The following SORCS2 variants were observed in gnomAD, a reference collection of about 807,000 sequenced individuals.
The protein encoded by SORCS2 is sortilin related VPS10 domain containing receptor 2, also known as VPS10 domain-containing receptor SorCS2.
A neutral mutation model predicts 141.6 loss-of-function variants in SORCS2; 100 were observed. The observed-to-expected ratio is 0.71, with a 90% confidence interval of 0.60 to 0.83. The LOEUF (loss-of-function observed/expected upper bound fraction) is 0.83. SORCS2 is among the 40% of genes least tolerant of loss of function. SORCS2 has a pLI of 0.00. For missense variants in SORCS2, 1,646 were observed against 1,560.2 expected, an observed-to-expected ratio of 1.05 and a Z score of -0.93; for synonymous variants, 789 against 676.9, an observed-to-expected ratio of 1.17 and a Z score of -2.57.
chr4:7,661,693 G>A lies in SORCS2; in HGVS notation c.952+129G>A, dbSNP rs75431856. On this transcript the variant is annotated intron_variant, in intron 6 of 26. Coordinates refer to ENST00000507866, the MANE Select transcript of SORCS2 (RefSeq NM_020777.3). ...TACACAGCCGGCCTCACTGTGTCTC[G>A]ATGTGGCATGATTTTAAATGTGCTT... 5.7e-3 allele frequency: 4,652 copies of A among 813,282 alleles called. 31 individuals carry two copies. Among genetic ancestry groups the A allele is most frequent in the Non-Finnish European group, 8.1e-3 (4,054 of 500,820 alleles). The allele number at this position is 813,282 out of a possible 1,614,324, so 50.4% of individuals were successfully genotyped here. A position where few individuals can be genotyped will look rare whatever the true frequency, so the allele number is the denominator to read the frequency against.
At chr4:7,594,029 C>T (rs980739831) in intron 3 of SORCS2, among the ~76,000 whole-genome samples, 10 of 152,214 alleles carry the variant, frequency 6.6e-5, no homozygotes, top group African/African-American at 1.2e-4. Context: ...CTCTTGAGCA[C>T]GTCTGTCTGC....
At chr4:7,613,743 G>A (rs1718573474) in intron 3 of SORCS2, among the ~76,000 whole-genome samples, 1 of 152,082 alleles carries the variant, frequency 6.6e-6, no homozygotes, top group Non-Finnish European at 1.5e-5. Context: ...GCCAGCCTAA[G>A]CCCTACCATC....
chr4:7,387,535 GCA>G lies in SORCS2; in HGVS notation c.481-8746_481-8745del, dbSNP rs1259036945. ...TACACAGAGATACATATGCACACAT[GCA>G]CACACATGCACATACACATATGTAC... On this transcript the variant is annotated intron_variant, in intron 1 of 26. Transcript: ENST00000507866. 1.5e-3 allele frequency among the ~76,000 whole-genome samples: 67 copies of G among 45,304 alleles called. 1 individual carries two copies. The South Asian group carries it at 0.034, about 23-fold the overall frequency. The allele number at this position is 45,304 out of a possible 152,430, so 29.7% of individuals were successfully genotyped here.
intron 26 of SORCS2, 31 bp downstream of exon 26, chr4:7,737,203 C>G (rs760314398): frequency 1.9e-6 from 3 of 1,550,176 alleles, no homozygotes; most frequent in South Asian, 2.4e-5. Flanking sequence ...GATCTCGACT[C>G]GCAGACTCTA....
intron 1 of SORCS2, among the ~76,000 whole-genome samples, chr4:7,349,348 C>G (rs541660115): frequency 1.3e-3 from 201 of 152,254 alleles, no homozygotes; most frequent in African/African-American, 4.5e-3. Flanking sequence ...TTGTAAATAT[C>G]TTGCTGAGTC....
intron 1 of SORCS2, among the ~76,000 whole-genome samples, chr4:7,388,277 C>G (rs965430755): frequency 1.3e-5 from 2 of 152,196 alleles, no homozygotes; most frequent in African/African-American, 4.8e-5. Context: ...ACCCCAATGA[C>G]AGACTCAGCC....
At chr4:7,432,279 A>T (rs1193168261) in intron 2 of SORCS2, 1 of 152,090 alleles carries the variant, frequency 6.6e-6, no homozygotes, top group African/African-American at 2.4e-5. Context: ...CTTGTGGTTT[A>T]TACAGCGCTT....
chr4:7,215,248 G>A (rs1312063157), intron 1 of SORCS2, among the ~76,000 whole-genome samples: 4 of 152,194 alleles, frequency 2.6e-5, no homozygotes, highest in Non-Finnish European at 5.9e-5. Flanking sequence ...TGCTGGCCCC[G>A]GGCAAGGAGG....
chr4:7,717,924 G>T, intron 17 of SORCS2, 88 bp from the exon 18 acceptor site: 1 of 1,399,204 alleles, frequency 7.1e-7, no homozygotes, highest in Non-Finnish European at 9.4e-7. Context: ...GCCACCTCTG[G>T]GTGGCAAGCA....
At chr4:7,728,564 C>A in intron 22 of SORCS2, 102 bp downstream of exon 22, 2 of 762,322 alleles carry the variant, frequency 2.6e-6, no homozygotes, top group South Asian at 1.9e-5. Context: ...AGGCGGGTGG[C>A]ACTGCCCCCG....
At chr4:7,456,260 G>A (rs929800199) in intron 2 of SORCS2, among the ~76,000 whole-genome samples, 7 of 152,204 alleles carry the variant, frequency 4.6e-5, no homozygotes, top group Non-Finnish European at 8.8e-5. Flanking sequence ...ATTTCAGGTG[G>A]ACACAATTCT....
Position 7,654,126 on chromosome 4 carries a change from C to A in SORCS2, c.814-8C>A. The A allele has an allele frequency of 6.4e-7, 1 of 1,568,200 alleles. No individual in the cohort carries two copies. The highest frequency in any genetic ancestry group is 1.3e-5 in the African/African-American group (1 of 74,420). On this transcript the variant is annotated splice_region_variant and splice_polypyrimidine_tract_variant and intron_variant, in intron 4 of 26. Transcript: ENST00000507866. ...ACCAAGCTTTTGTTTCTTTTTTCTG[C>A]CCTAAAGCTCTACGTGTCATCTGAC...
chr4:7,458,101 C>T (rs1729039517), intron 2 of SORCS2, among the ~76,000 whole-genome samples: 1 of 152,192 alleles, frequency 6.6e-6, no homozygotes, highest in Admixed American at 6.5e-5. Flanking sequence ...TGACACAGTA[C>T]TTCTGCGAAA....
chr4:7,533,805 C>T (rs796444283), intron 3 of SORCS2, among the ~76,000 whole-genome samples: 56 of 152,334 alleles, frequency 3.7e-4, no homozygotes, highest in African/African-American at 1.3e-3. Flanking sequence ...CTCCGCTGAG[C>T]CTCAGTTTCC....
At chr4:7,367,538 G>A (rs191673550) in intron 1 of SORCS2, among the ~76,000 whole-genome samples, 2 of 152,298 alleles carry the variant, frequency 1.3e-5, no homozygotes, top group East Asian at 3.9e-4. Flanking sequence ...AACGGCGCCC[G>A]GGATGCAAGA....
chr4:7,418,745 C>T (rs7658128), intron 2 of SORCS2, among the ~76,000 whole-genome samples: 84,767 of 146,748 alleles, frequency 0.58, 24,324 homozygotes, highest in Middle Eastern at 0.68. Context: ...AACAGTCATT[C>T]ATTGAGCTTA....
intron 2 of SORCS2, among the ~76,000 whole-genome samples, chr4:7,518,811 C>T (rs533405717): frequency 6.6e-6 from 1 of 152,198 alleles, no homozygotes; most frequent in African/African-American, 2.4e-5. Context: ...AGCCTGCCCC[C>T]CCGGCCCCCC....
chr4:7,211,240 AGG>A, intron 1 of SORCS2, among the ~76,000 whole-genome samples: 1 of 137,792 alleles, frequency 7.3e-6, no homozygotes, highest in Non-Finnish European at 1.6e-5. Flanking sequence ...GGAGGGAGGG[AGG>A]GAGGCATTGC....
chr4:7,239,597 G>C (rs750220815), intron 1 of SORCS2, among the ~76,000 whole-genome samples: 26 of 152,328 alleles, frequency 1.7e-4, no homozygotes, highest in Non-Finnish European at 3.2e-4. Context: ...GGGCTGGTTT[G>C]TTTGCTAAAA....
Sources: allele counts gnomAD v4.1 joint callset (sites outside exome capture counted in the v4.1 genomes callset), GRCh38; gene constraint gnomAD v4.1.1; transcripts MANE v1.5; gene names NCBI Gene and HGNC (gene_info 2026-07-23, HGNC 2026-07-21).